Variants in REDIC1 observed in about 807,000 individuals in gnomAD.
The protein encoded by REDIC1 is HEI10 Interacting Protein 1.
At chr12:39,684,927 G>A in the REDIC1 span, 136 of 1,607,410 alleles carry the variant, frequency 8.5e-5, no homozygotes, top group Non-Finnish European at 1.1e-4. Context: ...GACTTGATGA[G>A]GTAAAGCACA....
the REDIC1 span, among the ~76,000 whole-genome samples, chr12:39,738,234 G>C: frequency 1.1e-4 from 17 of 152,292 alleles, 1 homozygote; most frequent in Admixed American, 1.1e-3. Flanking sequence ...CTGTTTTCCT[G>C]TTGCATGTTG....
At chr12:39,889,029 A>G in the REDIC1 span, among the ~76,000 whole-genome samples, 1 of 152,168 alleles carries the variant, frequency 6.6e-6, no homozygotes, top group Non-Finnish European at 1.5e-5. Flanking sequence ...AAATTGAGCA[A>G]TATAACTTAA....
At chr12:39,843,361 CCTAT>C in the REDIC1 span, among the ~76,000 whole-genome samples, 1 of 151,942 alleles carries the variant, frequency 6.6e-6, no homozygotes, top group Non-Finnish European at 1.5e-5. Context: ...CTAAGACAAG[CCTAT>C]CTGTCATTAA....
At chr12:39,713,087 G>A in the REDIC1 span, among the ~76,000 whole-genome samples, 1 of 148,664 alleles carries the variant, frequency 6.7e-6, no homozygotes, top group Non-Finnish European at 1.5e-5. Context: ...ATACGTGTAT[G>A]TGTAGATATG....
At chr12:39,702,761 G>C in the REDIC1 span, among the ~76,000 whole-genome samples, 2 of 152,086 alleles carry the variant, frequency 1.3e-5, no homozygotes, top group Admixed American at 1.3e-4. Context: ...TCATCCCTGG[G>C]ATGCAAGGCT....
the REDIC1 span, among the ~76,000 whole-genome samples, chr12:39,896,934 G>A: frequency 6.6e-6 from 1 of 152,144 alleles, no homozygotes; most frequent in South Asian, 2.1e-4. Context: ...AGAGAATGAA[G>A]TAGAAATGTA....
At chr12:39,866,530 G>A in the REDIC1 span, among the ~76,000 whole-genome samples, 1 of 152,026 alleles carries the variant, frequency 6.6e-6, no homozygotes, top group Non-Finnish European at 1.5e-5. Flanking sequence ...CCTGGTTGGA[G>A]TGCAGTGGCG....
chr12:39,629,473 T>C, the REDIC1 span, among the ~76,000 whole-genome samples: 1 of 152,224 alleles, frequency 6.6e-6, no homozygotes. Context: ...AATCATTTGA[T>C]AGCAATATCT....
the REDIC1 span, chr12:39,682,935 T>A: frequency 7.4e-6 from 12 of 1,613,398 alleles, no homozygotes; most frequent in Middle Eastern, 1.7e-4. Context: ...CTAGTTCTGA[T>A]AAAAACCATG....
the REDIC1 span, chr12:39,682,508 G>A: frequency 1.4e-6 from 1 of 704,216 alleles, no homozygotes; most frequent in Non-Finnish European, 2.1e-6. Context: ...CTAGGTAAAT[G>A]TTAGTAGCAA....
the REDIC1 span, among the ~76,000 whole-genome samples, chr12:39,834,356 C>T: frequency 6.6e-6 from 1 of 152,054 alleles, no homozygotes; most frequent in Admixed American, 6.6e-5. Flanking sequence ...TCTGTCCTCA[C>T]CTCTTTTCCT....
chr12:39,765,210 C>G, the REDIC1 span, among the ~76,000 whole-genome samples: 2 of 151,970 alleles, frequency 1.3e-5, no homozygotes, highest in Non-Finnish European at 1.5e-5. Context: ...TGACAAGATT[C>G]AAATTTCAGA....
the REDIC1 span, chr12:39,685,049 G>T: frequency 4.9e-6 from 3 of 606,232 alleles, no homozygotes; most frequent in South Asian, 3.4e-5. Context: ...TTATTGGATG[G>T]ACTCTTTTTC....
chr12:39,744,907 C>G, the REDIC1 span, among the ~76,000 whole-genome samples: 1 of 151,980 alleles, frequency 6.6e-6, no homozygotes, highest in Non-Finnish European at 1.5e-5. Flanking sequence ...CAGAGTGGAT[C>G]AAAAAACAAG....
At chr12:39,691,546 T>G in the REDIC1 span, among the ~76,000 whole-genome samples, 1 of 152,006 alleles carries the variant, frequency 6.6e-6, no homozygotes, top group Non-Finnish European at 1.5e-5. Flanking sequence ...AAAGAAACAC[T>G]CAGGGTTCGT....
the REDIC1 span, among the ~76,000 whole-genome samples, chr12:39,628,973 C>T: frequency 6.6e-6 from 1 of 152,116 alleles, no homozygotes; most frequent in Non-Finnish European, 1.5e-5. Flanking sequence ...AGTGTGCTTG[C>T]CCTCCATCCT....
chr12:39,806,556 T>C, the REDIC1 span, among the ~76,000 whole-genome samples: 1 of 152,182 alleles, frequency 6.6e-6, no homozygotes, highest in South Asian at 2.1e-4. Flanking sequence ...ATGTTCTCAG[T>C]TGTGATAAAA....
the REDIC1 span, among the ~76,000 whole-genome samples, chr12:39,645,453 A>G: frequency 1.3e-5 from 2 of 152,162 alleles, no homozygotes; most frequent in East Asian, 1.9e-4. Context: ...CTTGAATACT[A>G]TCAAGATTCT....
the REDIC1 span, chr12:39,644,023 A>G: frequency 2.1e-6 from 2 of 939,356 alleles, no homozygotes; most frequent in African/African-American, 1.7e-5. Context: ...TGGAAAATTA[A>G]TTTTAAAATT....
Sources: allele counts gnomAD v4.1 joint callset (sites outside exome capture counted in the v4.1 genomes callset), GRCh38; gene constraint gnomAD v4.1.1; transcripts MANE v1.5; gene names NCBI Gene and HGNC (gene_info 2026-07-23, HGNC 2026-07-21).